Variants in ZNF141 observed in about 807,000 individuals in gnomAD.
The protein encoded by ZNF141 is zinc finger protein 141, also known as zinc finger protein 141 (clone pHZ-44).
A neutral mutation model predicts 11.3 loss-of-function variants in ZNF141; 7 were observed. The observed-to-expected ratio is 0.62, with a 90% CI of 0.35 to 1.16. ZNF141 has a LOEUF of 1.16. ZNF141 is among the 50% of genes most tolerant of loss of function. The pLI is 0.02. For synonymous variants in ZNF141, 183 were observed against 190.7 expected, an observed-to-expected ratio of 0.96 and a Z score of 0.33; for missense variants, 535 against 554.0, an observed-to-expected ratio of 0.97 and a Z score of 0.34.
At chr4:367,639 C>T (rs1711812862) in intron 3 of ZNF141, among the ~76,000 whole-genome samples, 1 of 151,790 alleles carries the variant, frequency 6.6e-6, no homozygotes, top group South Asian at 2.1e-4. Context: ...GCCTCAGCCT[C>T]CTGAGTAGCT....
At chr4:355,415 A>T (rs1008520397) in intron 3 of ZNF141, among the ~76,000 whole-genome samples, 1 of 152,128 alleles carries the variant, frequency 6.6e-6, no homozygotes, top group Non-Finnish European at 1.5e-5. Flanking sequence ...CATGTTGGCC[A>T]GGCTGGTCTC....
rs140477044 is a variant in ZNF141, at chr4:339,992, C to T, written c.3+2006C>T. ...ATACATGGTACTGTCAAGTCTTCTA[C>T]TTGAGAGCTAATTATGGTGACTTTC... On this transcript the variant is annotated intron_variant, in intron 1 of 3. Coordinates refer to ENST00000240499, the MANE Select transcript of ZNF141 (RefSeq NM_003441.4). 3.9e-3 allele frequency among the ~76,000 whole-genome samples: 593 copies of T among 152,332 alleles called. 5 individuals are homozygous for T. Among genetic ancestry groups the T allele is most frequent in the African/African-American group, 0.013 (550 of 41,578 alleles).
intron 1 of ZNF141, among the ~76,000 whole-genome samples, chr4:339,503 G>T (rs1553848092): frequency 6.6e-6 from 1 of 151,414 alleles, no homozygotes; most frequent in Non-Finnish European, 1.5e-5. Context: ...AGAATTCAAC[G>T]TTAGTGAGTT....
At chr4:343,462 A>G (rs1406714761) in intron 1 of ZNF141, among the ~76,000 whole-genome samples, 1 of 152,162 alleles carries the variant, frequency 6.6e-6, no homozygotes, top group East Asian at 1.9e-4. Context: ...GCAGTGGCTC[A>G]CGCCTGTAAT....
At chr4:342,979 A>G in intron 1 of ZNF141, 2 of 1,376,826 alleles carry the variant, frequency 1.5e-6, no homozygotes, top group Non-Finnish European at 2.1e-6. Context: ...TTTTAAAATC[A>G]GTTCCTTGCG....
chr4:381,961 T>G lies in ZNF141; in HGVS notation c.*8099T>G, dbSNP rs1712641561. On this transcript the variant is annotated 3_prime_UTR_variant, in exon 4 of 4. Transcript: ENST00000240499. Reference sequence around the variant, plus strand: ...TCTCTGGGAACTTTTTTTTTTTTTTTTTTTGAGACGGAGTCTCACTCTCGC... The same window carrying G: ...TCTCTGGGAACTTTTTTTTTTTTTTGTTTTGAGACGGAGTCTCACTCTCGC... Among the ~76,000 whole-genome samples the G allele has an allele frequency of 6.8e-6, 1 of 146,518 alleles. No individual in the cohort carries two copies. Among genetic ancestry groups the G allele is most frequent in the Non-Finnish European group, 1.5e-5 (1 of 66,922 alleles).
intron 3 of ZNF141, among the ~76,000 whole-genome samples, chr4:353,472 T>TA (rs1721704585): frequency 3.3e-5 from 5 of 149,386 alleles, no homozygotes; most frequent in Admixed American, 2.7e-4. Flanking sequence ...TATTATTTTT[T>TA]TTTTTTTGGA....
chr4:370,903 T>G (rs1326137762), intron 3 of ZNF141, among the ~76,000 whole-genome samples: 2 of 151,468 alleles, frequency 1.3e-5, no homozygotes, highest in African/African-American at 4.9e-5. Context: ...GCTAATTTTT[T>G]TTGTATTTTT....
Position 384,271 on chromosome 4 carries a change from G to A in ZNF141, c.*10409G>A, listed in dbSNP as rs1238999229. ...GGCTGTGAGGAGATCTGAAGACATG[G>A]TGCTCTCTCTTCCTGTGGACCCATC... On this transcript the variant is annotated 3_prime_UTR_variant, in exon 4 of 4. Transcript: ENST00000240499. 2 of 152,194 alleles carry A rather than the reference G, an allele frequency of 1.3e-5. No individual in the cohort carries two copies. The highest frequency in any genetic ancestry group is 6.5e-5 in the Admixed American group (1 of 15,274). The allele number at this position is 152,194 out of a possible 1,614,324, so 9.4% of individuals were successfully genotyped here.
At chr4:358,335 G>GCCAC in intron 3 of ZNF141, 1 of 348,834 alleles carries the variant, frequency 2.9e-6, no homozygotes, top group Non-Finnish European at 5.5e-6. Flanking sequence ...TTAGTCATGA[G>GCCAC]CCACCACACC....
intron 3 of ZNF141, among the ~76,000 whole-genome samples, chr4:350,565 C>T (rs1431985686): frequency 1.3e-5 from 2 of 151,978 alleles, no homozygotes; most frequent in Admixed American, 6.6e-5. Flanking sequence ...GTAAATTATA[C>T]GGTTTGGATC....
chr4:363,730 C>T (rs1446736988), intron 3 of ZNF141, among the ~76,000 whole-genome samples: 4 of 151,496 alleles, frequency 2.6e-5, no homozygotes, highest in Non-Finnish European at 4.4e-5. Context: ...TGTACTCCAG[C>T]CTGCACGACA....
At chr4:358,280 C>T (rs562435632) in intron 3 of ZNF141, 18 of 375,920 alleles carry the variant, frequency 4.8e-5, no homozygotes, top group South Asian at 2.5e-4. Flanking sequence ...CTCTACCTCC[C>T]GAGTTCAAGT....
At position 381,946 on chromosome 4, in the gene ZNF141, C is replaced by CTTTTTTTTTT. The variant is rs34905613; in HGVS notation, c.*8094_*8103dup. Among the ~76,000 whole-genome samples the CTTTTTTTTTT allele has an allele frequency of 8.9e-3, 943 of 105,852 alleles. 43 individuals are homozygous for CTTTTTTTTTT. The highest frequency in any genetic ancestry group is 0.033 in the Middle Eastern group (6 of 180). The allele number at this position is 105,852 out of a possible 152,430, so 69.4% of individuals were successfully genotyped here. On this transcript the variant is annotated 3_prime_UTR_variant, in exon 4 of 4. Coordinates refer to ENST00000240499, the MANE Select transcript of ZNF141 (RefSeq NM_003441.4). Reference sequence around the variant, plus strand: ...CTAGGGCCACCACCATCTCTGGGAACTTTTTTTTTTTTTTTTTTTGAGACG... The same window carrying CTTTTTTTTTT: ...CTAGGGCCACCACCATCTCTGGGAACTTTTTTTTTTTTTTTTTTTTTTTTTTTTTGAGACG...
intron 3 of ZNF141, among the ~76,000 whole-genome samples, chr4:367,836 CAA>C (rs1196268662): frequency 2.0e-5 from 3 of 152,038 alleles, no homozygotes; most frequent in African/African-American, 7.2e-5. Context: ...TGTTTTTTTC[CAA>C]AGTTTGTTGT....
At chr4:344,295 C>T in intron 2 of ZNF141, 40 bp from the exon 3 acceptor site, 2 of 1,540,818 alleles carry the variant, frequency 1.3e-6, no homozygotes, top group Non-Finnish European at 1.8e-6. Flanking sequence ...GGAGAATCCC[C>T]ATCAATAGTC....
At chr4:353,466 A>ATTTTTT (rs200906693) in intron 3 of ZNF141, among the ~76,000 whole-genome samples, 1 of 134,604 alleles carries the variant, frequency 7.4e-6, no homozygotes, top group African/African-American at 2.8e-5. Flanking sequence ...TATTATTATT[A>ATTTTTT]TTTTTTTTTT....
At chr4:349,513 G>GC (rs1721491714) in intron 3 of ZNF141, among the ~76,000 whole-genome samples, 1 of 152,146 alleles carries the variant, frequency 6.6e-6, no homozygotes, top group African/African-American at 2.4e-5. Flanking sequence ...AGAAGCTGTG[G>GC]CCCTGGAGGC....
In ZNF141 at chr4:373,907, T is replaced by C; in HGVS notation, c.*45T>C. On this transcript the variant is annotated 3_prime_UTR_variant, in exon 4 of 4. Coordinates refer to ENST00000240499, the MANE Select transcript of ZNF141 (RefSeq NM_003441.4). The stretch of plus-strand genomic sequence containing the variant: ...AAGAATGTGGCAAACCTTTGGATGA[T>C]CCACAAACCTTAATGAACATGAGAA... The C allele has an allele frequency of 6.7e-7, 1 of 1,492,660 alleles. No homozygotes were observed. The highest frequency in any genetic ancestry group is 9.1e-7 in the Non-Finnish European group (1 of 1,097,528). The allele number at this position is 1,492,660 out of a possible 1,614,324, so 92.5% of individuals were successfully genotyped here.
Sources: gnomAD v4.1 joint callset for allele counts (sites outside exome capture counted in the v4.1 genomes callset) on GRCh38, gnomAD v4.1.1 for gene constraint, MANE v1.5 for transcripts, NCBI Gene and HGNC (gene_info 2026-07-23, HGNC 2026-07-21) for gene names.